Variants in LAMA2 observed in about 807,000 individuals in gnomAD.
LAMA2 encodes laminin subunit alpha-2.
A neutral mutation model predicts 364.8 loss-of-function variants in LAMA2; 269 were observed. The ratio of observed to expected loss-of-function variants is 0.74; its 90% CI spans 0.67 to 0.82. The LOEUF (loss-of-function observed/expected upper bound fraction) is 0.82. Ranked by LOEUF, LAMA2 falls within the 40% of genes least tolerant of loss-of-function variation. The pLI is 0.00. For missense variants in LAMA2, 3,807 were observed against 3,873.2 expected (o/e 0.98, Z 0.45); for synonymous variants, 1,379 against 1,370.6 (o/e 1.01, Z -0.14).
At chr6:129,092,182 C>G (rs1469177692) in intron 3 of LAMA2, among the ~76,000 whole-genome samples, 3 of 152,162 alleles carry the variant, frequency 2.0e-5, no homozygotes, top group Non-Finnish European at 4.4e-5. Context: ...TCACCACAGA[C>G]CTTCCAGAAA....
intron 1 of LAMA2, among the ~76,000 whole-genome samples, chr6:128,932,536 TA>T (rs747328009): frequency 4.6e-5 from 7 of 151,818 alleles, no homozygotes; most frequent in Admixed American, 6.6e-5. Flanking sequence ...CTGTACACCC[TA>T]AAAAAAAGGA....
At chr6:129,295,983 G>C (rs1322197165) in intron 20 of LAMA2, among the ~76,000 whole-genome samples, 1 of 151,652 alleles carries the variant, frequency 6.6e-6, no homozygotes, top group Non-Finnish European at 1.5e-5. Flanking sequence ...GTGTCTGGTG[G>C]TATGGGTATG....
chr6:128,983,296 A>T (rs1783012073), intron 1 of LAMA2, among the ~76,000 whole-genome samples: 1 of 151,910 alleles, frequency 6.6e-6, no homozygotes, highest in Non-Finnish European at 1.5e-5. Context: ...CTTTTTAATG[A>T]TTGCCATTCT....
At chr6:128,965,863 T>C (rs1167539405) in intron 1 of LAMA2, among the ~76,000 whole-genome samples, 1 of 151,946 alleles carries the variant, frequency 6.6e-6, no homozygotes, top group Admixed American at 6.6e-5. Flanking sequence ...TTTTCCTTTT[T>C]TTGAGTGTAA....
chr6:128,896,753 T>C (rs561492555), intron 1 of LAMA2, among the ~76,000 whole-genome samples: 1 of 152,340 alleles, frequency 6.6e-6, no homozygotes, highest in South Asian at 2.1e-4. Flanking sequence ...ATTTATTTAT[T>C]CCTTTGGATA....
chr6:129,020,532 C>G (rs1179566978), intron 1 of LAMA2, among the ~76,000 whole-genome samples: 1 of 152,050 alleles, frequency 6.6e-6, no homozygotes, highest in Non-Finnish European at 1.5e-5. Context: ...TGGCAACAAG[C>G]TGTGGGAGTG....
At chr6:129,228,651 C>T (rs1352983084) in intron 12 of LAMA2, among the ~76,000 whole-genome samples, 4 of 151,308 alleles carry the variant, frequency 2.6e-5, no homozygotes, top group African/African-American at 4.9e-5. Context: ...GCATATATAC[C>T]CTGAAGGCAT....
intron 35 of LAMA2, among the ~76,000 whole-genome samples, chr6:129,384,735 A>G (rs954414622): frequency 6.6e-6 from 1 of 152,060 alleles, no homozygotes. Context: ...TCCCACGTCT[A>G]TACACCAGAG....
chr6:129,233,806 A>C (rs1784819409), intron 12 of LAMA2, among the ~76,000 whole-genome samples: 1 of 152,194 alleles, frequency 6.6e-6, no homozygotes, highest in Non-Finnish European at 1.5e-5. Context: ...ATGGGATAAA[A>C]ATATCATAGA....
At chr6:129,139,439 A>G (rs1270264788) in intron 4 of LAMA2, among the ~76,000 whole-genome samples, 1 of 152,164 alleles carries the variant, frequency 6.6e-6, no homozygotes, top group Non-Finnish European at 1.5e-5. Flanking sequence ...CTATTTACAT[A>G]GCCTTTACAT....
At chr6:129,195,224 A>T (rs1247589798) in intron 12 of LAMA2, among the ~76,000 whole-genome samples, 1 of 152,204 alleles carries the variant, frequency 6.6e-6, no homozygotes, top group African/African-American at 2.4e-5. Context: ...CAGAAGGGCG[A>T]TATGCTGTGC....
At chr6:128,988,393 C>G (rs1385993464) in intron 1 of LAMA2, among the ~76,000 whole-genome samples, 2 of 151,954 alleles carry the variant, frequency 1.3e-5, no homozygotes, top group Admixed American at 6.6e-5. Flanking sequence ...ATCAAATGTA[C>G]TTTTAGGTAA....
chr6:129,255,521 G>T (rs1218959776), intron 14 of LAMA2, among the ~76,000 whole-genome samples: 1 of 144,380 alleles, frequency 6.9e-6, no homozygotes, highest in Non-Finnish European at 1.5e-5. Context: ...GTAAGCCTTT[G>T]TTTTCTGTTA....
chr6:129,446,301 G>A (rs2114775878), intron 45 of LAMA2, among the ~76,000 whole-genome samples: 1 of 151,410 alleles, frequency 6.6e-6, no homozygotes, highest in East Asian at 1.9e-4. Context: ...AATAAAAATG[G>A]CTTTGGTTAT....
chr6:129,016,693 G>A (rs1785092233), intron 1 of LAMA2, among the ~76,000 whole-genome samples: 1 of 151,764 alleles, frequency 6.6e-6, no homozygotes, highest in Non-Finnish European at 1.5e-5. Context: ...GTAGAGATAG[G>A]GAGGATTCTT....
At chr6:129,331,043 G>A (rs1055180841) in intron 29 of LAMA2, among the ~76,000 whole-genome samples, 1 of 151,840 alleles carries the variant, frequency 6.6e-6, no homozygotes, top group Non-Finnish European at 1.5e-5. Flanking sequence ...TTCTTTTTTT[G>A]TATTTTTAAT....
At chr6:129,261,115 T>C (rs532885189) in intron 15 of LAMA2, among the ~76,000 whole-genome samples, 60 of 152,230 alleles carry the variant, frequency 3.9e-4, no homozygotes, top group African/African-American at 1.4e-3. Flanking sequence ...GGTAGCAGAA[T>C]AGCACTTCAA....
chr6:129,135,384 C>A (rs911678119), intron 4 of LAMA2, among the ~76,000 whole-genome samples: 2 of 152,178 alleles, frequency 1.3e-5, no homozygotes, highest in African/African-American at 4.8e-5. Context: ...TGAACCCTTC[C>A]TCTGTGGGTA....
In LAMA2 at chr6:129,460,287, C is replaced by T. The variant is rs398123383; in HGVS notation, c.6955C>T (p.Arg2319Ter). 2.4e-5 allele frequency: 39 copies of T among 1,611,908 alleles called. No homozygotes were observed. The highest frequency in any genetic ancestry group is 3.0e-5 in the Non-Finnish European group (35 of 1,178,670). The change falls in exon 49 of 65, where the codon CGA becomes TGA. Residue 2319 changes from arginine (R) to a stop codon, truncating the protein, a stop_gained. Transcript: ENST00000421865. LOFTEE classifies it high-confidence loss of function. ...DNKPIGLWNF[R>*]EKEGDCKGCT... ...CAAACCTATAGGTTTGTGGAATTTCCGAGAAAAAGAAGGTGACTGCAAAGG... is the reference window on the plus strand; with the variant it reads ...CAAACCTATAGGTTTGTGGAATTTCTGAGAAAAAGAAGGTGACTGCAAAGG...
Sources: allele counts gnomAD v4.1 joint callset (sites outside exome capture counted in the v4.1 genomes callset), GRCh38; gene constraint gnomAD v4.1.1; transcripts MANE v1.5; gene names NCBI Gene and HGNC (gene_info 2026-07-23, HGNC 2026-07-21).